Variants in KALRN observed in about 807,000 individuals in gnomAD.
The protein encoded by KALRN is kalirin.
Under a neutral mutation model 353.7 loss-of-function variants are expected in KALRN, and 70 were observed. The observed-to-expected ratio is 0.20, with a 90% CI of 0.16 to 0.24. KALRN has a LOEUF of 0.24. Ranked by LOEUF, KALRN falls within the 10% of genes least tolerant of loss-of-function variation. The pLI is 1.00. For synonymous variants in KALRN, 1,391 were observed against 1,434.8 expected (o/e 0.97, Z 0.69); for missense variants, 2,791 against 3,756.7 (o/e 0.74, Z 6.72).
intron 33 of KALRN, among the ~76,000 whole-genome samples, chr3:124,523,333 T>C (rs1479210492): frequency 6.6e-6 from 1 of 152,224 alleles, no homozygotes; most frequent in Non-Finnish European, 1.5e-5. Flanking sequence ...TTGCTGCAAG[T>C]AGATTATTCA....
chr3:124,717,253 T>C lies in KALRN; in HGVS notation c.8283T>C (p.Asp2761=). ...TTTCCCTGCCTACTTTCAGGATGGA[T>C]GATGGCCGGCTCTTAGACTACCTTA... is the stretch of plus-strand genomic sequence containing the variant. The part of the protein sequence containing the change: ...TSYILILELM[D]DGRLLDYLMN... The change falls in exon 59 of 60, where the codon GAT becomes GAC. Residue 2761 remains aspartate, a synonymous_variant. Coordinates refer to ENST00000682506, the MANE Select transcript of KALRN (RefSeq NM_001388419.1). 6.3e-7 allele frequency: 1 copy of C among 1,599,102 alleles called. No homozygotes were observed. Among genetic ancestry groups the C allele is most frequent in the Non-Finnish European group, 8.5e-7 (1 of 1,174,168 alleles).
intron 1 of KALRN, among the ~76,000 whole-genome samples, chr3:124,168,031 G>C (rs2071145564): frequency 6.6e-6 from 1 of 152,166 alleles, no homozygotes; most frequent in Non-Finnish European, 1.5e-5. Context: ...GAGTGATTCT[G>C]TGACTTTGTG....
intron 9 of KALRN, among the ~76,000 whole-genome samples, chr3:124,345,305 C>A (rs1220577580): frequency 1.3e-5 from 2 of 152,182 alleles, no homozygotes; most frequent in East Asian, 3.8e-4. Context: ...AACTTTGTGA[C>A]TACAAGTATT....
At chr3:124,677,501 A>G in intron 49 of KALRN, 1 of 444,090 alleles carries the variant, frequency 2.3e-6, no homozygotes, top group Admixed American at 2.5e-5. Context: ...TTCTTGTCCC[A>G]ATAGGGAAGC....
chr3:124,620,410 G>C (rs1429632843), intron 34 of KALRN, among the ~76,000 whole-genome samples: 3 of 152,118 alleles, frequency 2.0e-5, no homozygotes, highest in Non-Finnish European at 4.4e-5. Context: ...GGCCTTGGTG[G>C]TTATGTTTTG....
Position 124,485,397 on chromosome 3 carries a change from A to G in KALRN, c.4284+2497A>G, listed in dbSNP as rs148264078. 4.6e-5 allele frequency among the ~76,000 whole-genome samples: 7 copies of G among 152,336 alleles called. No homozygotes were observed. The East Asian group carries it at 1.4e-3, about 29-fold the overall frequency. ...CCCCCTAGGATGAATTATGTGGCATAGACAAGGGAGAGAAGTTGAGGATGG... is the reference window on the plus strand; with the variant it reads ...CCCCCTAGGATGAATTATGTGGCATGGACAAGGGAGAGAAGTTGAGGATGG... On this transcript the variant is annotated intron_variant, in intron 28 of 59. Transcript: ENST00000682506.
intron 1 of KALRN, among the ~76,000 whole-genome samples, chr3:124,069,594 T>G (rs190055777): frequency 1.5e-3 from 230 of 152,314 alleles, no homozygotes; most frequent in South Asian, 4.6e-3. Flanking sequence ...AATCAAACAA[T>G]GTAAACTGTA....
intron 2 of KALRN, among the ~76,000 whole-genome samples, 169 bp from the exon 3 acceptor site, chr3:124,234,660 T>A (rs1395420231): frequency 6.6e-6 from 1 of 152,208 alleles, no homozygotes. Context: ...CACGGTCATA[T>A]GTGCTACCTG....
At chr3:124,251,307 T>C (rs2071113857) in intron 3 of KALRN, among the ~76,000 whole-genome samples, 1 of 151,808 alleles carries the variant, frequency 6.6e-6, no homozygotes, top group African/African-American at 2.4e-5. Flanking sequence ...TCCCTTCAGC[T>C]GTGGGATGCT....
intron 8 of KALRN, among the ~76,000 whole-genome samples, chr3:124,330,558 A>T (rs1040483037): frequency 2.0e-5 from 3 of 152,244 alleles, no homozygotes; most frequent in African/African-American, 7.2e-5. Context: ...AGACTCTTCC[A>T]TTGAAAAATC....
intron 34 of KALRN, among the ~76,000 whole-genome samples, chr3:124,611,039 A>G (rs1561418348): frequency 6.6e-6 from 1 of 152,048 alleles, no homozygotes; most frequent in African/African-American, 2.4e-5. Flanking sequence ...ATAAAGAAAC[A>G]ATACAGTTGG....
At chr3:124,652,303 G>A (rs1003511241) in intron 38 of KALRN, among the ~76,000 whole-genome samples, 1 of 152,224 alleles carries the variant, frequency 6.6e-6, no homozygotes, top group African/African-American at 2.4e-5. Flanking sequence ...CAAGTAGCAT[G>A]TAAATCTTGA....
chr3:124,440,698 A>G (rs1254364719), intron 18 of KALRN, among the ~76,000 whole-genome samples: 1 of 151,914 alleles, frequency 6.6e-6, no homozygotes, highest in Non-Finnish European at 1.5e-5. Context: ...CAGGGTGTGT[A>G]GAAGAAAAAA....
rs565234656 is a variant in KALRN, at chr3:124,092,442, C to G, written c.73+58629C>G. 1.6e-4 allele frequency among the ~76,000 whole-genome samples: 25 copies of G among 152,364 alleles called. No individual in the cohort carries two copies. In the South Asian group the frequency reaches 5.2e-3, roughly 32 times the overall value. ...ATTCTTACTTGGAGATGCACTCTCT[C>G]TGCAGTTATAAGTCAGGGGCCAAAG... On this transcript the variant is annotated intron_variant, in intron 1 of 59. Transcript: ENST00000682506.
At chr3:124,140,372 C>A (rs1320638532) in intron 1 of KALRN, among the ~76,000 whole-genome samples, 3 of 152,220 alleles carry the variant, frequency 2.0e-5, no homozygotes, top group African/African-American at 4.8e-5. Context: ...TCAACTGCCA[C>A]TGACAAGCGA....
At chr3:124,236,641 G>A (rs4336055) in intron 3 of KALRN, among the ~76,000 whole-genome samples, 14,119 of 152,222 alleles carry the variant, frequency 0.093, 1,835 homozygotes, top group East Asian at 0.64. Flanking sequence ...AATAAAGAGG[G>A]AAAGAGTTGG....
At chr3:124,467,467 T>C (rs1045877429) in intron 25 of KALRN, among the ~76,000 whole-genome samples, 1 of 151,742 alleles carries the variant, frequency 6.6e-6, no homozygotes, top group African/African-American at 2.4e-5. Context: ...AGTTGGAGAG[T>C]AGGAAAGGCC....
chr3:124,103,093 C>G (rs1281285959), intron 1 of KALRN, among the ~76,000 whole-genome samples: 1 of 152,170 alleles, frequency 6.6e-6, no homozygotes, highest in South Asian at 2.1e-4. Context: ...ATGGGAAGAG[C>G]TCCATCTGTC....
intron 57 of KALRN, among the ~76,000 whole-genome samples, chr3:124,704,810 A>G (rs2062520638): frequency 6.6e-6 from 1 of 152,214 alleles, no homozygotes; most frequent in Non-Finnish European, 1.5e-5. Context: ...TTGGCCTCCC[A>G]AAGTACTGGG....
Sources: gnomAD v4.1 joint callset for allele counts (sites outside exome capture counted in the v4.1 genomes callset) on GRCh38, gnomAD v4.1.1 for gene constraint, MANE v1.5 for transcripts, NCBI Gene and HGNC (gene_info 2026-07-23, HGNC 2026-07-21) for gene names.